Variants in SPOCD1 observed in about 807,000 individuals in gnomAD.
The protein encoded by SPOCD1 is SPOC domain-containing protein 1.
SPOCD1 carries 64 observed loss-of-function variants against 92.2 expected under a neutral mutation model. That is an observed-to-expected ratio of 0.69 (90% CI 0.57 to 0.86). The LOEUF (loss-of-function observed/expected upper bound fraction) is 0.86, where lower values mean the gene tolerates loss of function less well. SPOCD1 is among the 40% of genes least tolerant of loss of function. SPOCD1 has a pLI of 0.00. For missense variants in SPOCD1, 1,360 were observed against 1,543.1 expected (o/e 0.88, Z 1.99); for synonymous variants, 578 against 619.3 (o/e 0.93, Z 0.99).
At chr1:31,802,796 C>T (rs574749111) in intron 2 of SPOCD1, among the ~76,000 whole-genome samples, 11 of 152,150 alleles carry the variant, frequency 7.2e-5, no homozygotes, top group African/African-American at 2.4e-4. Flanking sequence ...TGCTACCATT[C>T]GCGTTACAGA....
chr1:31,803,487 C>T (rs1648596215), intron 2 of SPOCD1, among the ~76,000 whole-genome samples: 1 of 151,786 alleles, frequency 6.6e-6, no homozygotes, highest in Non-Finnish European at 1.5e-5. Flanking sequence ...AATCTCAGCA[C>T]TTTGGGAGGC....
At chr1:31,791,814 G>A (rs1250474607) in intron 15 of SPOCD1, among the ~76,000 whole-genome samples, 1 of 152,192 alleles carries the variant, frequency 6.6e-6, no homozygotes, top group East Asian at 1.9e-4. Context: ...GGTGGTTAGG[G>A]GCCAGGTTTC....
rs1647691963 is a variant in SPOCD1, at chr1:31,792,714, CCAGA to C, written c.2735_2738del (p.Val912GlyfsTer147). 2 of 1,607,832 alleles carry C rather than the reference CCAGA, an allele frequency of 1.2e-6. No homozygotes were observed. The highest frequency in any genetic ancestry group is 1.7e-6 in the Non-Finnish European group (2 of 1,177,662). ...CTGGGCAGATGCTGGCCAGAAGGTCCCAGACAATGTTGGAGGGGATGCAGCCTGC... is the reference window on the plus strand; with the variant it reads ...CTGGGCAGATGCTGGCCAGAAGGTCCCAATGTTGGAGGGGATGCAGCCTGC... On this transcript the variant is annotated frameshift_variant, in exon 14 of 16. Transcript: ENST00000360482. LOFTEE classifies it high-confidence loss of function.
intron 2 of SPOCD1, among the ~76,000 whole-genome samples, chr1:31,810,946 C>T (rs1024899196): frequency 3.3e-5 from 5 of 152,224 alleles, no homozygotes; most frequent in Non-Finnish European, 7.3e-5. Context: ...TGCTATCCCA[C>T]CCATAGAGCA....
chr1:31,794,029 C>A, intron 11 of SPOCD1, 95 bp downstream of exon 11: 1 of 1,514,050 alleles, frequency 6.6e-7, no homozygotes, highest in South Asian at 1.2e-5. Flanking sequence ...GCTCTGCCAC[C>A]CTCTCCCCAG....
In SPOCD1 at chr1:31,792,367, G is replaced by A; in HGVS notation, c.2810C>T (p.Ala937Val). The part of the protein sequence containing the change: ...VCVVRLCPHG[A>V]RDTQNCRLLY... ...CAGGCGGCAGTTCTGGGTGTCCCGG[G>A]CCCCATGTGGGCACAGTCTGACCAC... is the stretch of plus-strand genomic sequence containing the variant. Residue 937 changes from alanine to valine, a missense_variant, in exon 15 of 16, where the codon GCC becomes GTC. Around this residue, in one of 3 missense-constraint regions of SPOCD1, gnomAD observed 614 missense variants for 757.8 expected, o/e 0.81. Coordinates refer to ENST00000360482, the MANE Select transcript of SPOCD1 (RefSeq NM_144569.7). 6.2e-7 allele frequency: 1 copy of A among 1,613,842 alleles called. No individual in the cohort carries two copies. The highest frequency in any genetic ancestry group is 8.5e-7 in the Non-Finnish European group (1 of 1,179,998).
chr1:31,802,784 T>C (rs911661508), intron 2 of SPOCD1, among the ~76,000 whole-genome samples: 1 of 152,174 alleles, frequency 6.6e-6, no homozygotes, highest in Admixed American at 6.5e-5. Context: ...ATACGTGTGG[T>C]GTGCTACCAT....
rs757883650 is a variant in SPOCD1 at position 31,796,682 on chromosome 1, G to C, written c.2179C>G (p.Pro727Ala). ...ATTTTGGAGGCTGGAAGTCTGCACG[G>C]CTCCTTCTGTTGCTGCTCAATGATA... ...LNIIEQQQKE[P>A]CRLPASKMTH... Residue 727 changes from proline to alanine, a missense_variant, in exon 10 of 16, where the codon CCG becomes GCG. Pro to Ala is a conservative substitution (Grantham distance 27, BLOSUM62 -1). Transcript: ENST00000360482. 11 of 1,614,200 alleles carry C rather than the reference G, an allele frequency of 6.8e-6. No individual in the cohort carries two copies. The Admixed American group carries it at 1.8e-4, about 27-fold the overall frequency.
intron 10 of SPOCD1, chr1:31,794,473 T>TTACAA (rs1647853693): frequency 2.7e-6 from 1 of 369,358 alleles, no homozygotes; most frequent in Admixed American, 4.5e-5. Flanking sequence ...GGGTATTCCT[T>TTACAA]TACAATCTTT....
intron 2 of SPOCD1, among the ~76,000 whole-genome samples, chr1:31,811,812 G>A (rs1013822726): frequency 6.6e-6 from 1 of 152,210 alleles, no homozygotes; most frequent in Non-Finnish European, 1.5e-5. Flanking sequence ...GGAAAGCTGT[G>A]GGATGATGGG....
At chr1:31,799,921 G>T in intron 5 of SPOCD1, 58 bp from the exon 6 acceptor site, 1 of 1,613,690 alleles carries the variant, frequency 6.2e-7, no homozygotes, top group African/African-American at 1.3e-5. Context: ...TCCAGCCCAG[G>T]GGACACTGCT....
At position 31,793,905 on chromosome 1, in the gene SPOCD1, T is replaced by C. The variant is rs1465401249; in HGVS notation, c.2384-8A>G. ...CATTCGAGGGCTCCCAGTCTGCAAA[T>C]AGCAGAGGCAGGAGCTGAAACAGGG... On this transcript the variant is annotated splice_region_variant and splice_polypyrimidine_tract_variant and intron_variant, in intron 11 of 15. Transcript: ENST00000360482. The C allele has an allele frequency of 2.5e-6, 4 of 1,606,524 alleles. No homozygotes were observed. In the African/African-American group the frequency reaches 5.4e-5, roughly 22 times the overall value.
At chr1:31,802,590 A>G (rs1271874112) in intron 2 of SPOCD1, among the ~76,000 whole-genome samples, 1 of 152,240 alleles carries the variant, frequency 6.6e-6, no homozygotes, top group Admixed American at 6.5e-5. Flanking sequence ...TATCTGTTGC[A>G]TAAGCCCATT....
rs1648232301 is a variant in SPOCD1, at chr1:31,798,974, G to C, written c.1869-373C>G. 1 of 535,468 alleles carries C rather than the reference G, an allele frequency of 1.9e-6. No homozygotes were observed. Among genetic ancestry groups the C allele is most frequent in the Non-Finnish European group, 3.3e-6 (1 of 305,230 alleles). 33.2% of individuals were successfully genotyped at this position (535,468 alleles called of 1,614,324 possible). A position where few individuals can be genotyped will look rare whatever the true frequency, so the allele number is the denominator to read the frequency against. On this transcript the variant is annotated intron_variant, in intron 7 of 15. Transcript: ENST00000360482. The surrounding 1 kb of genome is among the most constrained non-coding windows in gnomAD (Gnocchi z 4.1). ...CAGAGTAAGGCAGGAGTCAGGGGGA[G>C]AGAATGGAGCCCTGGCCCTCGGTGT...
rs767693934 is a variant in SPOCD1, at chr1:31,792,756, G to A, written c.2697C>T (p.Thr899=). 4.7e-5 allele frequency: 75 copies of A among 1,604,358 alleles called. No individual in the cohort carries two copies. Among genetic ancestry groups the A allele is most frequent in the South Asian group, 2.6e-4 (23 of 88,894 alleles). Reference sequence around the variant, plus strand: ...GGATGCAGCCTGCCGAGCGGATCACGGTGGGCAGAGCCTAGGGGCAGGAAG... The same window carrying A: ...GGATGCAGCCTGCCGAGCGGATCACAGTGGGCAGAGCCTAGGGGCAGGAAG... The part of the protein sequence containing the change: ...HSCRLVQALP[T]VIRSAGCIPS... The change falls in exon 14 of 16, where the codon ACC becomes ACT. Residue 899 remains threonine, a synonymous_variant. Transcript: ENST00000360482.
chr1:31,807,404 GGGAGGGGAGGGAGGGGGAGGGAAGA>G (rs1648898967), intron 2 of SPOCD1, among the ~76,000 whole-genome samples: 1 of 3,794 alleles, frequency 2.6e-4, no homozygotes. Context: ...GGGAGGGGAG[GGGAGGGGAGGGAGGGGGAGGGAAGA>G]GAAGGGGAGG....
rs919317563 is a variant in SPOCD1, at chr1:31,790,471, T to C, written c.*132A>G. 7.3e-6 allele frequency: 6 copies of C among 817,412 alleles called. No individual in the cohort carries two copies. Among genetic ancestry groups the C allele is most frequent in the Non-Finnish European group, 1.1e-5 (6 of 524,594 alleles). The allele number at this position is 817,412 out of a possible 1,614,324, so 50.6% of individuals were successfully genotyped here. ...TGAACAAAAAATCAACAGCAAACAT[T>C]GTCAAACAGGAAGTTCAAACAGGGC... On this transcript the variant is annotated 3_prime_UTR_variant, in exon 16 of 16. Transcript: ENST00000360482.
chr1:31,805,229 T>G (rs1016183513), intron 2 of SPOCD1, among the ~76,000 whole-genome samples: 1 of 151,766 alleles, frequency 6.6e-6, no homozygotes, highest in African/African-American at 2.4e-5. Context: ...TGTGATCCAC[T>G]GGCCCCGGCC....
At chr1:31,809,185 C>T (rs1421315286) in intron 2 of SPOCD1, among the ~76,000 whole-genome samples, 1 of 152,088 alleles carries the variant, frequency 6.6e-6, no homozygotes, top group Non-Finnish European at 1.5e-5. Context: ...AAAGAAAAGA[C>T]TTAATAAGAA....
Sources: allele counts gnomAD v4.1 joint callset (sites outside exome capture counted in the v4.1 genomes callset), GRCh38; gene constraint gnomAD v4.1.1; regional missense constraint gnomAD v4.1.1; non-coding constraint Gnocchi (gnomAD v3.1); transcripts MANE v1.5; gene names NCBI Gene and HGNC (gene_info 2026-07-23, HGNC 2026-07-21).